The following SPATA22 variants were observed in gnomAD, a reference collection of about 807,000 sequenced individuals.
SPATA22 encodes spermatogenesis associated 22.
SPATA22 carries 29 observed loss-of-function variants against 47.8 expected under a neutral mutation model. The observed-to-expected ratio is 0.61, with a 90% confidence interval of 0.45 to 0.83. SPATA22 has a LOEUF of 0.83. Among genes scored for constraint, SPATA22 ranks in the 40% least tolerant of loss-of-function variants. SPATA22 has a pLI of 0.00. For missense variants in SPATA22, 410 were observed against 421.7 expected (o/e 0.97, Z 0.24); for synonymous variants, 133 against 140.9 (o/e 0.94, Z 0.40).
intron 7 of SPATA22, among the ~76,000 whole-genome samples, chr17:3,445,947 T>A (rs2072716644): frequency 6.6e-6 from 1 of 152,052 alleles, no homozygotes; most frequent in Admixed American, 6.6e-5. Context: ...AGGTCAGAAG[T>A]CTATAATGAG....
intron 6 of SPATA22, among the ~76,000 whole-genome samples, chr17:3,446,994 T>C (rs760238162): frequency 1.3e-5 from 2 of 152,138 alleles, no homozygotes; most frequent in Non-Finnish European, 2.9e-5. Flanking sequence ...CAAAAGTGTT[T>C]ACTGAGCACC....
chr17:3,462,870 GA>G, intron 3 of SPATA22, 103 bp from the exon 4 acceptor site: 1 of 863,800 alleles, frequency 1.2e-6, no homozygotes, highest in Non-Finnish European at 1.9e-6. Flanking sequence ...ACTTGAAGAA[GA>G]AAAAACTTGA....
Position 3,485,582 on chromosome 17 carries a change from G to C in SPATA22, c.-73-16184C>G, listed in dbSNP as rs1370967569. Among the ~76,000 whole-genome samples the C allele has an allele frequency of 6.6e-6, 1 of 152,184 alleles. No homozygotes were observed. Among genetic ancestry groups the C allele is most frequent in the Non-Finnish European group, 1.5e-5 (1 of 68,026 alleles). ...ATACATACATTCATGAGCTTGTCCG[G>C]AGTGATCAGATTTGACTGGATCAGA... On this transcript the variant is annotated intron_variant, in intron 1 of 8. Coordinates refer to the SPATA22 transcript ENST00000541913. This position sits in a 1 kb window ranked among gnomAD's most constrained non-coding sequence, Gnocchi z 4.4.
chr17:3,462,418 G>T, intron 5 of SPATA22, 65 bp downstream of exon 5: 1 of 1,111,288 alleles, frequency 9.0e-7, no homozygotes, highest in Non-Finnish European at 1.3e-6. Context: ...GAGGAGGGAA[G>T]AATGAAGAGG....
At chr17:3,508,440 C>A (rs1203727763) in intron 1 of SPATA22, among the ~76,000 whole-genome samples, 1 of 151,518 alleles carries the variant, frequency 6.6e-6, no homozygotes, top group African/African-American at 2.4e-5. Flanking sequence ...GCTATAAAGA[C>A]ACATGCACAC....
At position 3,464,858 on chromosome 17, in the gene SPATA22, GCCCGGCAGCCA is replaced by G. The variant is rs1567602558; in HGVS notation, c.173-2102_173-2092del. 1.6e-5 allele frequency among the ~76,000 whole-genome samples: 2 copies of G among 121,790 alleles called. 1 individual carries two copies. 79.9% of individuals were successfully genotyped at this position (121,790 alleles called of 152,430 possible). Reference sequence around the variant, plus strand: ...CGTCTGGGAAGTGAGGAGCGTCTCCGCCCGGCAGCCACCCCGTCTGGGAGGGGGGTGGGGGG... The same window carrying G: ...CGTCTGGGAAGTGAGGAGCGTCTCCGCCCCGTCTGGGAGGGGGGTGGGGGG... On this transcript the variant is annotated intron_variant, in intron 3 of 8. Transcript: ENST00000572969.
chr17:3,452,101 T>G (rs1162786134), intron 5 of SPATA22, among the ~76,000 whole-genome samples: 1 of 151,196 alleles, frequency 6.6e-6, no homozygotes, highest in East Asian at 1.9e-4. Context: ...CCAAAACTTA[T>G]GGGAAAGCAA....
chr17:3,444,379 T>C (rs1279219537), intron 7 of SPATA22, among the ~76,000 whole-genome samples: 1 of 152,086 alleles, frequency 6.6e-6, no homozygotes, highest in African/African-American at 2.4e-5. Flanking sequence ...GCAATAGGCA[T>C]GTTACCAAGT....
intron 5 of SPATA22, among the ~76,000 whole-genome samples, chr17:3,461,028 A>G (rs2073114349): frequency 6.6e-6 from 1 of 152,184 alleles, no homozygotes; most frequent in Admixed American, 6.5e-5. Context: ...CACAGTATCT[A>G]TAAGAATAGG....
chr17:3,467,353 T>C, intron 3 of SPATA22, 73 bp downstream of exon 3: 1 of 1,194,250 alleles, frequency 8.4e-7, no homozygotes, highest in Non-Finnish European at 1.2e-6. Flanking sequence ...ATTTTCATTA[T>C]AATATAAATT....
intron 1 of SPATA22, among the ~76,000 whole-genome samples, chr17:3,504,257 A>T (rs746901460): frequency 1.3e-5 from 2 of 152,202 alleles, no homozygotes; most frequent in Non-Finnish European, 2.9e-5. Flanking sequence ...TGAGGGCATC[A>T]GCAGTGTCTT....
chr17:3,509,018 G>C lies in SPATA22; in HGVS notation c.-74+4394C>G, dbSNP rs139836927. On this transcript the variant is annotated intron_variant, in intron 1 of 8. Transcript: ENST00000541913. ...ATGAATTAGGCTGATCGGCAATAAT[G>C]ATAGTAAGAACATCAGCTCTTTCCT... Among the ~76,000 whole-genome samples, 897 of 150,516 alleles carry C rather than the reference G, an allele frequency of 6.0e-3. 8 individuals are homozygous for C. The highest frequency in any genetic ancestry group is 0.02 in the African/African-American group (836 of 40,994).
At chr17:3,477,546 G>A (rs927431773) in intron 1 of SPATA22, among the ~76,000 whole-genome samples, 11 of 151,946 alleles carry the variant, frequency 7.2e-5, no homozygotes, top group Admixed American at 3.3e-4. Context: ...CTCCACCTCC[G>A]GGTTAAAGTG....
At chr17:3,464,155 AT>A (rs1260093211) in intron 3 of SPATA22, among the ~76,000 whole-genome samples, 2 of 151,682 alleles carry the variant, frequency 1.3e-5, no homozygotes, top group African/African-American at 2.4e-5. Context: ...TGGTTTTCGT[AT>A]TTTTTTGGTG....
At chr17:3,509,114 C>G (rs1198637287) in intron 1 of SPATA22, among the ~76,000 whole-genome samples, 1 of 151,860 alleles carries the variant, frequency 6.6e-6, no homozygotes, top group Non-Finnish European at 1.5e-5. Flanking sequence ...CTTCTGTTCT[C>G]CAGGTGGAAC....
At chr17:3,452,315 C>T (rs188934156) in intron 5 of SPATA22, among the ~76,000 whole-genome samples, 4 of 150,448 alleles carry the variant, frequency 2.7e-5, no homozygotes, top group East Asian at 1.9e-4. Flanking sequence ...AAACTGGGAC[C>T]GGGCGAGGTG....
Position 3,446,572 on chromosome 17 carries a change from C to T in SPATA22, c.702G>A (p.Lys234=). 1.3e-6 allele frequency: 2 copies of T among 1,590,404 alleles called. No homozygotes were observed. The highest frequency in any genetic ancestry group is 1.7e-6 in the Non-Finnish European group (2 of 1,163,178). Residue 234 remains lysine, a synonymous_variant, in exon 7 of 9, where the codon AAG becomes AAA. Coordinates refer to ENST00000572969, the MANE Select transcript of SPATA22 (RefSeq NM_001170698.2). ...KETSLYQLQF[K]EKASSLRIIS... ...TAATTCTTAAAGAACTAGCTTTTTC[C>T]TTAAACTGTAACTGATACAATGAGG... is the stretch of plus-strand genomic sequence containing the variant.
At chr17:3,506,774 T>C (rs1356190833) in intron 1 of SPATA22, among the ~76,000 whole-genome samples, 1 of 152,032 alleles carries the variant, frequency 6.6e-6, no homozygotes, top group African/African-American at 2.4e-5. Flanking sequence ...ACCCCGTCTC[T>C]ACTAAAAATA....
chr17:3,482,252 G>A (rs965969034), intron 1 of SPATA22, among the ~76,000 whole-genome samples: 3 of 152,090 alleles, frequency 2.0e-5, no homozygotes, highest in Non-Finnish European at 4.4e-5. Flanking sequence ...GTCCTTTAAC[G>A]TAGACTAAAG....
Sources: allele counts gnomAD v4.1 joint callset (sites outside exome capture counted in the v4.1 genomes callset), GRCh38; gene constraint gnomAD v4.1.1; non-coding constraint Gnocchi (gnomAD v3.1); transcripts MANE v1.5; gene names NCBI Gene and HGNC (gene_info 2026-07-23, HGNC 2026-07-21).